The following ZNF761 variants were observed in gnomAD, a reference collection of about 807,000 sequenced individuals.
ZNF761 encodes zinc finger protein 761.
A neutral mutation model predicts 59.9 loss-of-function variants in ZNF761; 43 were observed. The ratio of observed to expected loss-of-function variants is 0.72; its 90% CI spans 0.56 to 0.92. The LOEUF is 0.92. Among genes scored for constraint, ZNF761 ranks in the 40% least tolerant of loss-of-function variants. The pLI is 0.00. For synonymous variants in ZNF761, 294 were observed against 304.8 expected, an observed-to-expected ratio of 0.96 and a Z score of 0.37; for missense variants, 850 against 906.1, an observed-to-expected ratio of 0.94 and a Z score of 0.79.
Position 53,456,113 on chromosome 19 carries a change from T to C in ZNF761, c.1606T>C (p.Ser536Pro). ...CGGCAAGACCTTTAGTTGGAAGTCATCCCTTACCTGCCATCGTAGACTTCA... is the reference window on the plus strand; with the variant it reads ...CGGCAAGACCTTTAGTTGGAAGTCACCCCTTACCTGCCATCGTAGACTTCA... ...ECGKTFSWKS[S>P]LTCHRRLHSG... The change falls in exon 5 of 5, where the codon TCC (serine) becomes CCC (proline). Residue 536 changes from serine to proline, a missense_variant. Ser to Pro is a moderately conservative substitution (Grantham distance 74, BLOSUM62 -1). Coordinates refer to ENST00000684525, the MANE Select transcript of ZNF761 (RefSeq NM_001289951.2). 6.2e-7 allele frequency: 1 copy of C among 1,603,454 alleles called. No individual in the cohort carries two copies. The highest frequency in any genetic ancestry group is 1.1e-5 in the South Asian group (1 of 90,450).
At chr19:53,441,664 C>CTTGA in intron 1 of ZNF761, 3 of 450,894 alleles carry the variant, frequency 6.7e-6, no homozygotes, top group Non-Finnish European at 8.2e-6. Flanking sequence ...CCAGGCTGGC[C>CTTGA]TTGAACTCCT....
intron 4 of ZNF761, among the ~76,000 whole-genome samples, chr19:53,453,045 G>A (rs189732525): frequency 1.3e-5 from 2 of 152,288 alleles, no homozygotes; most frequent in Admixed American, 1.3e-4. Context: ...AGATAATTAA[G>A]GTCAACAATG....
At chr19:53,442,933 C>T (rs534971462) in intron 1 of ZNF761, 51 of 342,632 alleles carry the variant, frequency 1.5e-4, no homozygotes, top group Non-Finnish European at 1.5e-4. Flanking sequence ...ATCCTATAAT[C>T]AGCTCACATC....
intron 3 of ZNF761, 114 bp downstream of exon 3, chr19:53,447,397 A>AGGGAAGGC: frequency 7.1e-7 from 1 of 1,407,906 alleles, no homozygotes; most frequent in Middle Eastern, 1.8e-4. Context: ...GTTTGCTCAC[A>AGGGAAGGC]TTCACCCATG....
At position 53,455,494 on chromosome 19, in the gene ZNF761, T is replaced by C; in HGVS notation, c.987T>C (p.Asn329=). The C allele has an allele frequency of 6.2e-7, 1 of 1,613,974 alleles. No individual in the cohort carries two copies. ...IHTEEKPYKC[N]ECGKTFRQKS... ...CTGAAGAGAAACCATATAAGTGTAA[T>C]GAGTGTGGCAAGACCTTTAGGCAGA... is the stretch of plus-strand genomic sequence containing the variant. Residue 329 remains asparagine (N), a synonymous_variant, in exon 5 of 5, where the codon AAT becomes AAC. Transcript: ENST00000684525.
chr19:53,457,867 G>C lies in ZNF761; in HGVS notation c.*1119G>C, dbSNP rs2086285544. 1 of 153,124 alleles carries C rather than the reference G, an allele frequency of 6.5e-6. No individual in the cohort carries two copies. The highest frequency in any genetic ancestry group is 1.9e-4 in the East Asian group (1 of 5,198). 9.5% of individuals were successfully genotyped at this position (153,124 alleles called of 1,614,324 possible). On this transcript the variant is annotated 3_prime_UTR_variant, in exon 5 of 5. Transcript: ENST00000684525. ...AAAAAAACTGATAGGGATTTTTATG[G>C]ATATCATGTTGAATCTAAATCACAT...
chr19:53,456,493 C>A lies in ZNF761; in HGVS notation c.1986C>A (p.Tyr662Ter), dbSNP rs776394494. ...GAATTCATACTGGAGAGAAACCTTA[C>A]AAGTGTAATGAGTGTGGCAAGACCT... is the stretch of plus-strand genomic sequence containing the variant. ...HRRIHTGEKP[Y>*]KCNECGKTFS... is the part of the protein sequence containing the mutation. Residue 662 changes from tyrosine to a stop codon, truncating the protein, a stop_gained, in exon 5 of 5, where the codon TAC becomes TAA. Coordinates refer to ENST00000684525, the MANE Select transcript of ZNF761 (RefSeq NM_001289951.2). LOFTEE classifies it high-confidence loss of function. 3 of 1,613,412 alleles carry A rather than the reference C, an allele frequency of 1.9e-6. No homozygotes were observed. Among genetic ancestry groups the A allele is most frequent in the African/African-American group, 1.3e-5 (1 of 74,730 alleles).
chr19:53,445,361 C>T (rs1008036801), intron 1 of ZNF761: 1 of 152,142 alleles, frequency 6.6e-6, no homozygotes, highest in South Asian at 2.1e-4. Context: ...AAAGATGCTT[C>T]TGTAATTTTC....
In ZNF761 at chr19:53,456,840, GATAAAGTTTACAGTGGCA is replaced by G. The variant is rs1392139677; in HGVS notation, c.*94_*111del. On this transcript the variant is annotated 3_prime_UTR_variant, in exon 5 of 5. Coordinates refer to ENST00000684525, the MANE Select transcript of ZNF761 (RefSeq NM_001289951.2). The stretch of plus-strand genomic sequence containing the variant: ...GAAACCTTAGAAATGTGAAGCATGT[GATAAAGTTTACAGTGGCA>G]AATCAAGCCTCAGAAGACAGGAGAA... The G allele has an allele frequency of 2.1e-6, 3 of 1,423,670 alleles. No homozygotes were observed. Among genetic ancestry groups the G allele is most frequent in the Non-Finnish European group, 2.0e-6 (2 of 1,025,382 alleles). The allele number at this position is 1,423,670 out of a possible 1,614,324, so 88.2% of individuals were successfully genotyped here. A position where few individuals can be genotyped will look rare whatever the true frequency, so the allele number is the denominator to read the frequency against.
chr19:53,432,206 T>C (rs2085977869), intron 1 of ZNF761, among the ~76,000 whole-genome samples, 178 bp downstream of exon 1: 1 of 152,210 alleles, frequency 6.6e-6, no homozygotes, highest in African/African-American at 2.4e-5. Context: ...AAGGTCCCCC[T>C]GAGGCTGGTC....
intron 1 of ZNF761, chr19:53,445,345 C>G (rs1000972814): frequency 1.3e-5 from 2 of 152,132 alleles, no homozygotes; most frequent in African/African-American, 4.8e-5. Flanking sequence ...TTAGCCCAGG[C>G]CTGTGAAAGA....
chr19:53,451,393 G>C (rs2086220329), intron 4 of ZNF761, among the ~76,000 whole-genome samples: 1 of 151,702 alleles, frequency 6.6e-6, no homozygotes, highest in South Asian at 2.1e-4. Flanking sequence ...TATTTTAATA[G>C]ACACAGGCTT....
At chr19:53,437,997 A>G (rs1327853349) in intron 1 of ZNF761, among the ~76,000 whole-genome samples, 3 of 118,846 alleles carry the variant, frequency 2.5e-5, no homozygotes, top group Non-Finnish European at 3.8e-5. Flanking sequence ...GCACAGAACT[A>G]CTTCCACCTG....
At chr19:53,454,577 T>A in intron 4 of ZNF761, 73 bp from the exon 5 acceptor site, 1 of 1,422,828 alleles carries the variant, frequency 7.0e-7, no homozygotes, top group Non-Finnish European at 9.4e-7. Context: ...GTTTTTTGTG[T>A]CGTATTTACA....
chr19:53,445,607 G>A (rs1242581030), intron 1 of ZNF761, among the ~76,000 whole-genome samples: 1 of 152,102 alleles, frequency 6.6e-6, no homozygotes, highest in Non-Finnish European at 1.5e-5. Context: ...GCATGTCTTG[G>A]CGTGGCCTTT....
rs181899698 is a variant in ZNF761, at chr19:53,434,720, C to A, written c.-185+2692C>A. On this transcript the variant is annotated intron_variant, in intron 1 of 4. Transcript: ENST00000684525. ...GTGCTTGAACTTGTGGGCATCGGTT[C>A]GGGGGAAGAGTCAGTTAGAGTTAAA... Among the ~76,000 whole-genome samples the A allele has an allele frequency of 1.4e-4, 21 of 152,250 alleles. No individual in the cohort carries two copies. The East Asian group carries it at 3.1e-3, about 22-fold the overall frequency.
In ZNF761 at chr19:53,455,471, G is replaced by A; in HGVS notation, c.964G>A (p.Glu322Lys). ...TGAAAGACATAGGATAATTCATACTGAAGAGAAACCATATAAGTGTAATGA... is the reference window on the plus strand; with the variant it reads ...TGAAAGACATAGGATAATTCATACTAAAGAGAAACCATATAAGTGTAATGA... The part of the protein sequence containing the change: ...ILERHRIIHT[E>K]EKPYKCNECG... Residue 322 changes from glutamate (E) to lysine (K), a missense_variant, in exon 5 of 5, where the codon GAA becomes AAA. Coordinates refer to ENST00000684525, the MANE Select transcript of ZNF761 (RefSeq NM_001289951.2). The A allele has an allele frequency of 2.5e-6, 4 of 1,613,878 alleles. No homozygotes were observed. The highest frequency in any genetic ancestry group is 1.1e-5 in the South Asian group (1 of 91,062).
In ZNF761 at chr19:53,457,001, T is replaced by C. The variant is rs1432201501; in HGVS notation, c.*253T>C. The C allele has an allele frequency of 2.9e-6, 2 of 680,708 alleles. No individual in the cohort carries two copies. Among genetic ancestry groups the C allele is most frequent in the African/African-American group, 1.8e-5 (1 of 55,466 alleles). The allele number at this position is 680,708 out of a possible 1,614,324, so 42.2% of individuals were successfully genotyped here. A position where few individuals can be genotyped will look rare whatever the true frequency, so the allele number is the denominator to read the frequency against. ...AGAGAAACCATAAAAATGTAAGAGT[T>C]TGTGACAAGGCTTTTGGGCATGATT... On this transcript the variant is annotated 3_prime_UTR_variant, in exon 5 of 5. Transcript: ENST00000684525.
rs1271962778 is a variant in ZNF761, at chr19:53,457,690, A to G, written c.*942A>G. On this transcript the variant is annotated 3_prime_UTR_variant, in exon 5 of 5. Transcript: ENST00000684525. The stretch of plus-strand genomic sequence containing the variant: ...CAAGCATTAATTGACATTAGTGTTT[A>G]TGTTAAGAGGATTGGGCCAGGCACA... The G allele has an allele frequency of 4.6e-6, 1 of 218,976 alleles. No homozygotes were observed. The highest frequency in any genetic ancestry group is 1.6e-4 in the East Asian group (1 of 6,192). 13.6% of individuals were successfully genotyped at this position (218,976 alleles called of 1,614,324 possible).
Sources: gnomAD v4.1 joint callset for allele counts (sites outside exome capture counted in the v4.1 genomes callset) on GRCh38, gnomAD v4.1.1 for gene constraint, MANE v1.5 for transcripts, NCBI Gene and HGNC (gene_info 2026-07-23, HGNC 2026-07-21) for gene names.